Variants in GTF2A1L observed in about 807,000 individuals in gnomAD.
GTF2A1L encodes TFIIA-alpha and beta-like factor.
Under a neutral mutation model 49.7 loss-of-function variants are expected in GTF2A1L, and 48 were observed. The observed-to-expected ratio is 0.97, with a 90% CI of 0.77 to 1.23. GTF2A1L has a LOEUF of 1.23. GTF2A1L is among the 50% of genes most tolerant of loss of function. The pLI is 0.00. For missense variants in GTF2A1L, 736 were observed against 564.8 expected (o/e 1.30, Z -3.07); for synonymous variants, 246 against 193.5 (o/e 1.27, Z -2.25).
At chr2:48,662,030 C>T (rs1397789852) in intron 6 of GTF2A1L, among the ~76,000 whole-genome samples, 1 of 151,954 alleles carries the variant, frequency 6.6e-6, no homozygotes, top group African/African-American at 2.4e-5. Context: ...TTCTCATTTC[C>T]TTTGTGTACA....
chr2:48,623,644 C>G (rs981840804), intron 3 of GTF2A1L, among the ~76,000 whole-genome samples: 1 of 152,094 alleles, frequency 6.6e-6, no homozygotes, highest in African/African-American at 2.4e-5. Context: ...CTCACATTAG[C>G]AAAGACATGG....
At position 48,642,573 on chromosome 2, in the gene GTF2A1L, G is replaced by A. The variant is rs183878197; in HGVS notation, c.303+116G>A. The A allele has an allele frequency of 4.1e-5, 41 of 997,624 alleles. 1 individual carries two copies. In the Admixed American group the frequency reaches 1.1e-3, roughly 26 times the overall value. 61.8% of individuals were successfully genotyped at this position (997,624 alleles called of 1,614,324 possible). ...CCTCCAGTTGAAAGTGAAAAGATGTGGCCGGGCGCGGTGGCTCACGCCTGT... is the reference window on the plus strand; with the variant it reads ...CCTCCAGTTGAAAGTGAAAAGATGTAGCCGGGCGCGGTGGCTCACGCCTGT... On this transcript the variant is annotated intron_variant, in intron 4 of 8. Transcript: ENST00000403751.
chr2:48,619,231 G>A (rs2104043882), intron 1 of GTF2A1L, among the ~76,000 whole-genome samples: 1 of 152,218 alleles, frequency 6.6e-6, no homozygotes, highest in Middle Eastern at 3.4e-3. Context: ...CACCTTGGAA[G>A]GTCGAGGTGG....
chr2:48,655,452 A>G (rs1378199583), intron 6 of GTF2A1L, among the ~76,000 whole-genome samples: 1 of 152,054 alleles, frequency 6.6e-6, no homozygotes, highest in Admixed American at 6.5e-5. Flanking sequence ...TGGCTTCCCA[A>G]AGTGCTGGGA....
intron 6 of GTF2A1L, among the ~76,000 whole-genome samples, chr2:48,662,381 A>G (rs1678560999): frequency 6.6e-6 from 1 of 152,222 alleles, no homozygotes; most frequent in African/African-American, 2.4e-5. Context: ...TCAAGTTACT[A>G]TCTAGCATCT....
rs949994883 is a variant in GTF2A1L at position 48,625,698 on chromosome 2, T to G, written c.247+4408T>G. The stretch of plus-strand genomic sequence containing the variant: ...TCCAGGGTCAATTGATCCTCTCACC[T>G]CGACTTCATGAGTAACTGGGACTAC... On this transcript the variant is annotated intron_variant, in intron 3 of 8. Transcript: ENST00000403751. 2.8e-5 allele frequency among the ~76,000 whole-genome samples: 4 copies of G among 143,130 alleles called. 1 individual carries two copies. The highest frequency in any genetic ancestry group is 6.3e-5 in the Non-Finnish European group (4 of 63,746). The allele number at this position is 143,130 out of a possible 152,430, so 93.9% of individuals were successfully genotyped here. A position where few individuals can be genotyped will look rare whatever the true frequency, so the allele number is the denominator to read the frequency against.
At chr2:48,647,677 C>G (rs1332950542) in intron 6 of GTF2A1L, among the ~76,000 whole-genome samples, 1 of 151,806 alleles carries the variant, frequency 6.6e-6, no homozygotes, top group Non-Finnish European at 1.5e-5. Context: ...TTTTGTTTCT[C>G]CCTGCCTACT....
chr2:48,637,257 A>G (rs572655417), intron 3 of GTF2A1L, among the ~76,000 whole-genome samples: 8 of 152,350 alleles, frequency 5.3e-5, no homozygotes, highest in African/African-American at 1.9e-4. Context: ...TCATAAAACT[A>G]TAACTGCCGC....
intron 6 of GTF2A1L, among the ~76,000 whole-genome samples, chr2:48,659,976 A>T (rs1047848348): frequency 1.3e-5 from 2 of 152,120 alleles, no homozygotes; most frequent in African/African-American, 4.8e-5. Flanking sequence ...TATTTCTTTT[A>T]CTTGCCTAAT....
At chr2:48,638,548 G>A (rs1407562165) in intron 3 of GTF2A1L, among the ~76,000 whole-genome samples, 2 of 152,022 alleles carry the variant, frequency 1.3e-5, no homozygotes, top group East Asian at 3.9e-4. Flanking sequence ...AAACTCTCAA[G>A]AAACTAGGTA....
intron 3 of GTF2A1L, among the ~76,000 whole-genome samples, chr2:48,640,561 A>G (rs1677145641): frequency 6.6e-6 from 1 of 152,172 alleles, no homozygotes. Flanking sequence ...GAGGAGTAGA[A>G]AAGATAACTA....
rs746984904 is a variant in GTF2A1L at position 48,646,784 on chromosome 2, C to T, written c.720C>T (p.His240=). ...TGTTGTGTCATCAGGAAAGTTCTCA[C>T]TATATCAGTCTTCCAGGTGTTGTAT... ...EALLCHQESS[H]YISLPGVVFS... Residue 240 remains histidine (H), a synonymous_variant, in exon 6 of 9, where the codon CAC becomes CAT. Transcript: ENST00000403751. The T allele has an allele frequency of 6.2e-7, 1 of 1,614,190 alleles. No homozygotes were observed. The highest frequency in any genetic ancestry group is 1.7e-5 in the Admixed American group (1 of 60,026).
At chr2:48,639,921 A>G (rs1168764354) in intron 3 of GTF2A1L, among the ~76,000 whole-genome samples, 1 of 152,228 alleles carries the variant, frequency 6.6e-6, no homozygotes, top group African/African-American at 2.4e-5. Context: ...GAAGACATAC[A>G]TGCAGCCAAC....
intron 8 of GTF2A1L, among the ~76,000 whole-genome samples, chr2:48,674,034 T>C (rs1040459184): frequency 6.6e-6 from 1 of 152,114 alleles, no homozygotes; most frequent in Non-Finnish European, 1.5e-5. Context: ...CTGAACCCCA[T>C]AGATACCTTT....
intron 6 of GTF2A1L, among the ~76,000 whole-genome samples, chr2:48,654,756 T>A (rs527274410): frequency 6.6e-6 from 1 of 152,318 alleles, no homozygotes; most frequent in South Asian, 2.1e-4. Context: ...CTTGTCTCAC[T>A]GAGTTAGCTG....
chr2:48,627,104 A>G (rs1299310551), intron 3 of GTF2A1L, among the ~76,000 whole-genome samples: 2 of 143,002 alleles, frequency 1.4e-5, no homozygotes, highest in African/African-American at 5.0e-5. Context: ...CGATCTCTTT[A>G]TTTTTTATAT....
intron 6 of GTF2A1L, among the ~76,000 whole-genome samples, chr2:48,659,197 G>A (rs1678352605): frequency 6.6e-6 from 1 of 152,070 alleles, no homozygotes; most frequent in Non-Finnish European, 1.5e-5. Context: ...TCTTGAAGGT[G>A]TTCTCTCAAT....
intron 5 of GTF2A1L, 64 bp downstream of exon 5, chr2:48,645,181 T>G: frequency 2.8e-6 from 4 of 1,428,636 alleles, no homozygotes; most frequent in East Asian, 2.4e-5. Flanking sequence ...GACATTAAGC[T>G]TCATGATTTT....
rs1246716799 is a variant in GTF2A1L, at chr2:48,646,635, G to C, written c.571G>C (p.Glu191Gln). 1.2e-6 allele frequency: 2 copies of C among 1,613,984 alleles called. No homozygotes were observed. The highest frequency in any genetic ancestry group is 2.2e-5 in the East Asian group (1 of 44,896). Residue 191 changes from glutamate to glutamine, a missense_variant, in exon 6 of 9, where the codon GAA becomes CAA. Coordinates refer to ENST00000403751, the MANE Select transcript of GTF2A1L (RefSeq NM_006872.5). ...AACTACTGAAAAATCACAGAGAATT[G>C]AAACCGTGCTACAGCAACCCGCAAT... ...QATTEKSQRIETVLQQPAILP... is the reference protein window; with the variant it reads ...QATTEKSQRIQTVLQQPAILP...
Sources: allele counts gnomAD v4.1 joint callset (sites outside exome capture counted in the v4.1 genomes callset), GRCh38; gene constraint gnomAD v4.1.1; transcripts MANE v1.5; gene names NCBI Gene and HGNC (gene_info 2026-07-23, HGNC 2026-07-21).